CTNNA2: variants seen among roughly 807,000 people sequenced by gnomAD.
The protein encoded by CTNNA2 is catenin alpha 2, also known as catenin alpha-2.
In CTNNA2, 42 loss-of-function variants were observed where a neutral mutation model predicts 101.0. That is an observed-to-expected ratio of 0.42 (90% CI 0.32 to 0.54). The LOEUF is 0.54. Ranked by LOEUF, CTNNA2 falls within the 20% of genes least tolerant of loss-of-function variation. The pLI is 0.14. For synonymous variants in CTNNA2, 450 were observed against 456.4 expected, an observed-to-expected ratio of 0.99 and a Z score of 0.18; for missense variants, 871 against 1,223.1, an observed-to-expected ratio of 0.71 and a Z score of 4.29.
intron 1 of CTNNA2, among the ~76,000 whole-genome samples, chr2:79,571,436 G>T (rs1396517174): frequency 1.3e-5 from 2 of 152,128 alleles, no homozygotes; most frequent in East Asian, 3.9e-4. Flanking sequence ...GAATGACAGG[G>T]AGCATCCTAA....
chr2:80,342,177 T>C (rs1347396119), intron 7 of CTNNA2, among the ~76,000 whole-genome samples: 1 of 152,188 alleles, frequency 6.6e-6, no homozygotes, highest in Non-Finnish European at 1.5e-5. Context: ...TAAAAGTGTC[T>C]ACATGTAGAG....
chr2:79,491,922 G>A (rs576193039), intron 4 of CTNNA2, among the ~76,000 whole-genome samples: 1 of 152,232 alleles, frequency 6.6e-6, no homozygotes, highest in South Asian at 2.1e-4. Flanking sequence ...AGGACATCTG[G>A]GAACTGTAGA....
chr2:79,965,827 C>CAA (rs10686940), intron 7 of CTNNA2, among the ~76,000 whole-genome samples: 1,316 of 77,598 alleles, frequency 0.017, 34 homozygotes, highest in African/African-American at 0.045. Context: ...GAGACTATGT[C>CAA]AAAAAAAAAA....
chr2:79,685,727 G>A lies in CTNNA2; in HGVS notation c.102+34069G>A, dbSNP rs113290357. On this transcript the variant is annotated intron_variant, in intron 2 of 18. Transcript: ENST00000402739. ...TTGGTGAAACTGAGGGTACCACAAA[G>A]AAGAAAGGAAGACTGGATAAAGGAG... is the stretch of plus-strand genomic sequence containing the variant. Among the ~76,000 whole-genome samples the A allele has an allele frequency of 2.4e-3, 368 of 152,264 alleles. 3 individuals carry two copies. The highest frequency in any genetic ancestry group is 8.5e-3 in the African/African-American group (355 of 41,554).
Position 79,886,220 on chromosome 2 carries a change from C to A in CTNNA2, c.852+11878C>A, listed in dbSNP as rs1412322494. Among the ~76,000 whole-genome samples the A allele has an allele frequency of 2.0e-5, 3 of 152,186 alleles. No individual in the cohort carries two copies. In the South Asian group the frequency reaches 6.2e-4, roughly 32 times the overall value. ...GAGGTAAATGAGCTGCATCTAAAGGCTAAGAAAGAATAAACATGATGAAAT... is the reference window on the plus strand; with the variant it reads ...GAGGTAAATGAGCTGCATCTAAAGGATAAGAAAGAATAAACATGATGAAAT... On this transcript the variant is annotated intron_variant, in intron 6 of 18. Transcript: ENST00000402739.
chr2:80,078,074 A>C (rs574099749), intron 7 of CTNNA2, among the ~76,000 whole-genome samples: 1 of 152,206 alleles, frequency 6.6e-6, no homozygotes, highest in Non-Finnish European at 1.5e-5. Context: ...ATGTGAATCT[A>C]TCCGGTGTTT....
chr2:79,278,111 C>A (rs189087728), intron 2 of CTNNA2, among the ~76,000 whole-genome samples: 18 of 152,156 alleles, frequency 1.2e-4, no homozygotes, highest in African/African-American at 4.1e-4. Flanking sequence ...ACTGTAGAAC[C>A]AAGACAACAT....
chr2:79,185,490 A>G (rs1390912104), intron 1 of CTNNA2: 1 of 152,174 alleles, frequency 6.6e-6, no homozygotes, highest in African/African-American at 2.4e-5. Context: ...TATGTTTTTC[A>G]TGTATCTTGG....
intron 7 of CTNNA2, among the ~76,000 whole-genome samples, chr2:80,205,257 C>T (rs1206124320): frequency 6.6e-6 from 1 of 152,040 alleles, no homozygotes; most frequent in African/African-American, 2.4e-5. Context: ...ATGTGACCCC[C>T]AACACCTGAA....
rs537575174 is a variant in CTNNA2, at chr2:80,125,917, G to A, written c.1056+216120G>A. ...GCAAAGGCTATTGTACTTTTCTGCA[G>A]AATGGGAATACCGAAGCACCTGGTT... On this transcript the variant is annotated intron_variant, in intron 7 of 18. Transcript: ENST00000402739. Among the ~76,000 whole-genome samples the A allele has an allele frequency of 2.0e-5, 3 of 152,266 alleles. No homozygotes were observed. The East Asian group carries it at 5.8e-4, about 29-fold the overall frequency.
chr2:80,224,819 T>C (rs1323580713), intron 7 of CTNNA2, among the ~76,000 whole-genome samples: 1 of 151,054 alleles, frequency 6.6e-6, no homozygotes, highest in Non-Finnish European at 1.5e-5. Flanking sequence ...AGTCAATTGA[T>C]CACATCCTCA....
At position 80,332,324 on chromosome 2, in the gene CTNNA2, C is replaced by T. The variant is rs145686570; in HGVS notation, c.1057-60887C>T. ...CCCTCACCTCCCATGAAGCTGGCAG[C>T]CTCTGGATCTTTGGGTTGTCTGTTT... On this transcript the variant is annotated intron_variant, in intron 7 of 18. Transcript: ENST00000402739. 2.7e-3 allele frequency among the ~76,000 whole-genome samples: 408 copies of T among 152,238 alleles called. 2 individuals carry two copies. The highest frequency in any genetic ancestry group is 9.2e-3 in the African/African-American group (381 of 41,544).
chr2:79,931,856 C>T (rs1045061901), intron 7 of CTNNA2, among the ~76,000 whole-genome samples: 1 of 152,156 alleles, frequency 6.6e-6, no homozygotes, highest in African/African-American at 2.4e-5. Context: ...CATGGGAATC[C>T]AGGGATTTGT....
intron 7 of CTNNA2, among the ~76,000 whole-genome samples, chr2:79,912,898 C>A (rs764614466): frequency 3.9e-5 from 6 of 152,096 alleles, no homozygotes; most frequent in Non-Finnish European, 7.4e-5. Context: ...TCTTTGGTGG[C>A]AGTATAAACA....
At chr2:80,098,287 C>T in intron 7 of CTNNA2, among the ~76,000 whole-genome samples, 1 of 152,200 alleles carries the variant, frequency 6.6e-6, no homozygotes, top group African/African-American at 2.4e-5. Flanking sequence ...ACCCTGTTTG[C>T]CTGGGTATCA....
At chr2:80,495,035 T>C (rs2149523239) in intron 9 of CTNNA2, among the ~76,000 whole-genome samples, 1 of 152,292 alleles carries the variant, frequency 6.6e-6, no homozygotes, top group African/African-American at 2.4e-5. Flanking sequence ...TGGTTCTACG[T>C]GATGTTTGGC....
intron 4 of CTNNA2, among the ~76,000 whole-genome samples, chr2:79,867,587 T>G (rs1682233767): frequency 6.6e-6 from 1 of 152,174 alleles, no homozygotes; most frequent in South Asian, 2.1e-4. Flanking sequence ...AAGTTTACCT[T>G]TACACGGAAA....
intron 3 of CTNNA2, among the ~76,000 whole-genome samples, chr2:79,798,594 CATTCTT>C (rs1159606279): frequency 7.8e-6 from 1 of 128,962 alleles, no homozygotes; most frequent in Non-Finnish European, 1.6e-5. Flanking sequence ...CAAAAATACT[CATTCTT>C]GAAAGAATAG....
At chr2:79,446,876 C>T (rs1173360874) in intron 4 of CTNNA2, among the ~76,000 whole-genome samples, 4 of 151,980 alleles carry the variant, frequency 2.6e-5, no homozygotes, top group African/African-American at 9.7e-5. Flanking sequence ...TGTTTGGTTT[C>T]CTCTAATCTC....
Sources: gnomAD v4.1 joint callset for allele counts (sites outside exome capture counted in the v4.1 genomes callset) on GRCh38, gnomAD v4.1.1 for gene constraint, MANE v1.5 for transcripts, NCBI Gene and HGNC (gene_info 2026-07-23, HGNC 2026-07-21) for gene names.